The following PTPRD variants were observed in gnomAD, a reference collection of about 807,000 sequenced individuals.
PTPRD encodes the protein protein tyrosine phosphatase receptor type D.
PTPRD carries 34 observed loss-of-function variants against 214.5 expected under a neutral mutation model. That is an observed-to-expected ratio of 0.16 (90% CI 0.12 to 0.21). PTPRD has a LOEUF of 0.21. Among genes scored for constraint, PTPRD ranks in the 10% least tolerant of loss-of-function variants. The pLI is 1.00. For missense variants in PTPRD, 2,545 were observed against 2,398.7 expected, an observed-to-expected ratio of 1.06 and a Z score of -1.27; for synonymous variants, 1,128 against 845.7, an observed-to-expected ratio of 1.33 and a Z score of -5.79.
At chr9:10,125,378 T>C (rs2098808205) in intron 3 of PTPRD, among the ~76,000 whole-genome samples, 1 of 149,382 alleles carries the variant, frequency 6.7e-6, no homozygotes, top group Admixed American at 6.7e-5. Flanking sequence ...TTCTTTTCGT[T>C]TTTATCTTCT....
intron 3 of PTPRD, among the ~76,000 whole-genome samples, chr9:10,216,087 T>A (rs1020930433): frequency 6.6e-6 from 1 of 152,054 alleles, no homozygotes; most frequent in Admixed American, 6.6e-5. Context: ...TCCCTTTAGA[T>A]TTTTCCTTTT....
intron 2 of PTPRD, among the ~76,000 whole-genome samples, chr9:10,597,426 T>C (rs976954307): frequency 2.0e-5 from 3 of 151,802 alleles, no homozygotes; most frequent in South Asian, 2.1e-4. Context: ...ACTCACTTAA[T>C]GTAATGATTC....
At chr9:9,161,493 G>T (rs2099888756) in intron 10 of PTPRD, among the ~76,000 whole-genome samples, 1 of 152,080 alleles carries the variant, frequency 6.6e-6, no homozygotes, top group African/African-American at 2.4e-5. Context: ...CTCCAAGCCA[G>T]GCAGTTTAGC....
intron 2 of PTPRD, among the ~76,000 whole-genome samples, chr9:10,379,167 T>C (rs905091740): frequency 2.0e-5 from 3 of 151,874 alleles, no homozygotes; most frequent in African/African-American, 7.2e-5. Context: ...AATTTTACTA[T>C]TATTATACTT....
intron 11 of PTPRD, among the ~76,000 whole-genome samples, chr9:8,763,568 C>CAT (rs1039064096): frequency 6.6e-6 from 1 of 150,654 alleles, no homozygotes; most frequent in Non-Finnish European, 1.5e-5. Flanking sequence ...TTATATATAA[C>CAT]ATATATAGTA....
intron 18 of PTPRD, 102 bp from the exon 19 acceptor site, chr9:8,523,626 A>G: frequency 7.9e-7 from 1 of 1,260,954 alleles, no homozygotes; most frequent in Non-Finnish European, 1.1e-6. Flanking sequence ...AAGGCTTTCA[A>G]CTGCTACTTG....
At chr9:10,141,444 T>G (rs2098984271) in intron 3 of PTPRD, among the ~76,000 whole-genome samples, 1 of 151,756 alleles carries the variant, frequency 6.6e-6, no homozygotes, top group Non-Finnish European at 1.5e-5. Context: ...ACAAGCACTC[T>G]TATACAACAA....
At chr9:10,158,887 C>A (rs2099110181) in intron 3 of PTPRD, among the ~76,000 whole-genome samples, 1 of 152,094 alleles carries the variant, frequency 6.6e-6, no homozygotes. Context: ...TAAGGATATC[C>A]AGAGACAATA....
At chr9:9,588,567 G>C (rs73641325) in intron 7 of PTPRD, among the ~76,000 whole-genome samples, 7,584 of 151,914 alleles carry the variant, frequency 0.05, 445 homozygotes, top group African/African-American at 0.14. Context: ...TATCTTATTA[G>C]TGAAAGATAG....
intron 11 of PTPRD, among the ~76,000 whole-genome samples, chr9:8,899,247 G>A (rs1458778643): frequency 6.6e-6 from 1 of 152,112 alleles, no homozygotes; most frequent in Non-Finnish European, 1.5e-5. Context: ...CCCTCAACTG[G>A]CATTTCTCCT....
chr9:8,438,672 G>C (rs1364785843), intron 34 of PTPRD: 1 of 152,238 alleles, frequency 6.6e-6, no homozygotes, highest in East Asian at 1.9e-4. Flanking sequence ...CTTTCACAGA[G>C]AAAATAATAG....
intron 3 of PTPRD, among the ~76,000 whole-genome samples, chr9:10,335,536 G>A (rs1004340269): frequency 6.6e-6 from 1 of 151,600 alleles, no homozygotes; most frequent in East Asian, 1.9e-4. Flanking sequence ...TCTTGGGTTT[G>A]ATGATGACAT....
intron 7 of PTPRD, among the ~76,000 whole-genome samples, chr9:9,607,153 A>G (rs2094214927): frequency 6.6e-6 from 1 of 152,000 alleles, no homozygotes; most frequent in South Asian, 2.1e-4. Context: ...TATGCACATC[A>G]AAGCCCTCTG....
intron 11 of PTPRD, among the ~76,000 whole-genome samples, chr9:8,902,973 G>C (rs1389795418): frequency 1.3e-5 from 2 of 151,972 alleles, no homozygotes; most frequent in Non-Finnish European, 2.9e-5. Context: ...ACAAGTTTTT[G>C]GGAAGTAAGG....
chr9:10,406,755 A>C (rs1359101), intron 2 of PTPRD, among the ~76,000 whole-genome samples: 128,481 of 151,390 alleles, frequency 0.85, 54,689 homozygotes, highest in East Asian at 0.88. Flanking sequence ...TGAGAGCCAG[A>C]TTTCACATGT....
At chr9:9,423,122 C>T (rs1206340850) in intron 8 of PTPRD, among the ~76,000 whole-genome samples, 1 of 152,110 alleles carries the variant, frequency 6.6e-6, no homozygotes, top group Non-Finnish European at 1.5e-5. Context: ...CATCTGCCTG[C>T]TAGAAGATAG....
chr9:8,734,250 G>T (rs2098692859), intron 11 of PTPRD, among the ~76,000 whole-genome samples: 1 of 152,132 alleles, frequency 6.6e-6, no homozygotes, highest in South Asian at 2.1e-4. Flanking sequence ...TTTGGGCAAA[G>T]ACCTAAAAAA....
chr9:8,873,172 A>G (rs958735343), intron 11 of PTPRD, among the ~76,000 whole-genome samples: 2 of 152,150 alleles, frequency 1.3e-5, no homozygotes, highest in Non-Finnish European at 2.9e-5. Flanking sequence ...TGTCTTATTC[A>G]TCTTACATCT....
chr9:9,462,251 G>C (rs972366160), intron 8 of PTPRD, among the ~76,000 whole-genome samples: 4 of 152,104 alleles, frequency 2.6e-5, no homozygotes, highest in African/African-American at 9.7e-5. Context: ...AGAGAAAAGG[G>C]AGTTTAGAAC....
Sources: gnomAD v4.1 joint callset for allele counts (sites outside exome capture counted in the v4.1 genomes callset) on GRCh38, gnomAD v4.1.1 for gene constraint, MANE v1.5 for transcripts, NCBI Gene and HGNC (gene_info 2026-07-23, HGNC 2026-07-21) for gene names.